The following STAB2 variants were observed in gnomAD, a reference collection of about 807,000 sequenced individuals.
STAB2 encodes stabilin 2.
In STAB2, 288 loss-of-function variants were observed where a neutral mutation model predicts 338.1. The observed-to-expected ratio is 0.85, with a 90% confidence interval of 0.77 to 0.94. The LOEUF is 0.94. STAB2 is among the 40% of genes least tolerant of loss of function. The pLI is 0.00. For missense variants in STAB2, 3,141 were observed against 3,210.1 expected (o/e 0.98, Z 0.52); for synonymous variants, 1,202 against 1,193.3 (o/e 1.01, Z -0.15).
intron 65 of STAB2, among the ~76,000 whole-genome samples, chr12:103,760,497 G>A (rs779507532): frequency 1.3e-5 from 2 of 152,218 alleles, no homozygotes; most frequent in Non-Finnish European, 2.9e-5. Flanking sequence ...CTGGCTTCAA[G>A]TGACATGCCT....
chr12:103,693,114 A>G (rs1878099859), intron 31 of STAB2, among the ~76,000 whole-genome samples: 1 of 152,190 alleles, frequency 6.6e-6, no homozygotes, highest in Admixed American at 6.5e-5. Context: ...GCCCTTTATC[A>G]AGTGTGGTCA....
intron 19 of STAB2, among the ~76,000 whole-genome samples, chr12:103,667,249 CCT>C (rs1051175712): frequency 2.0e-5 from 3 of 152,116 alleles, no homozygotes; most frequent in African/African-American, 7.2e-5. Flanking sequence ...AGGCATTACC[CCT>C]GAGTCCTTCA....
Position 103,766,172 on chromosome 12 carries a change from ACGTGTT to A in STAB2, c.7606-112_7606-107del, listed in dbSNP as rs766933135. ...GCACAAACAAACACGCCCAGCACAT[ACGTGTT>A]CACAGTGCTCAGGGAGAGTCATGCC... On this transcript the variant is annotated intron_variant, in intron 68 of 68. Transcript: ENST00000388887. 2.2e-6 allele frequency: 3 copies of A among 1,358,612 alleles called. No individual in the cohort carries two copies. The Admixed American group carries it at 5.2e-5, about 24-fold the overall frequency. 84.2% of individuals were successfully genotyped at this position (1,358,612 alleles called of 1,614,324 possible).
chr12:103,714,068 A>G (rs1252810575), intron 42 of STAB2, among the ~76,000 whole-genome samples: 1 of 152,260 alleles, frequency 6.6e-6, no homozygotes, highest in East Asian at 1.9e-4. Context: ...CTCACTGTAG[A>G]AAAAGAAAGC....
rs1256559418 is a variant in STAB2 at position 103,652,802 on chromosome 12, T to G, written c.1407+97T>G. On this transcript the variant is annotated intron_variant, in intron 12 of 68. Transcript: ENST00000388887. ...CTTTTTGTTTGGGGTTTGTGAAAAA[T>G]TACAAGGAAATTCTTTCCTCATGTA... The G allele has an allele frequency of 9.5e-6, 13 of 1,369,350 alleles. No homozygotes were observed. The Admixed American group carries it at 3.3e-4, about 35-fold the overall frequency. The allele number at this position is 1,369,350 out of a possible 1,614,324, so 84.8% of individuals were successfully genotyped here. A position where few individuals can be genotyped will look rare whatever the true frequency, so the allele number is the denominator to read the frequency against.
At position 103,655,463 on chromosome 12, in the gene STAB2, A is replaced by G. The variant is rs1476184188; in HGVS notation, c.1616A>G (p.Asn539Ser). Residue 539 changes from asparagine to serine, a missense_variant, in exon 15 of 69, where the codon AAT (asparagine) becomes AGT (serine). Coordinates refer to ENST00000388887, the MANE Select transcript of STAB2 (RefSeq NM_017564.10). The stretch of plus-strand genomic sequence containing the variant: ...TTCATTTCCCAAATGCAGGAAACCA[A>G]TTTGGGACATGCCTTAGATGAGGAT... ...SKFRSLLEETNLGHALDEDGV... is the reference protein window; with the variant it reads ...SKFRSLLEETSLGHALDEDGV... 5 of 1,613,858 alleles carry G rather than the reference A, an allele frequency of 3.1e-6. No individual in the cohort carries two copies. The Admixed American group carries it at 5.0e-5, about 16-fold the overall frequency.
At chr12:103,687,425 A>G (rs1336773770) in intron 27 of STAB2, among the ~76,000 whole-genome samples, 1 of 152,022 alleles carries the variant, frequency 6.6e-6, no homozygotes. Flanking sequence ...AAACAACTGT[A>G]AGTCATAGAG....
At chr12:103,761,881 TAGTA>T (rs1425735125) in intron 66 of STAB2, among the ~76,000 whole-genome samples, 2 of 152,174 alleles carry the variant, frequency 1.3e-5, no homozygotes, top group Non-Finnish European at 2.9e-5. Context: ...TGGTGGTTGT[TAGTA>T]TTCTTTTTTG....
At chr12:103,671,340 T>A (rs1027670810) in intron 22 of STAB2, among the ~76,000 whole-genome samples, 1 of 152,056 alleles carries the variant, frequency 6.6e-6, no homozygotes, top group Non-Finnish European at 1.5e-5. Flanking sequence ...TAATCCCAGC[T>A]ACTCTGGAGG....
intron 3 of STAB2, among the ~76,000 whole-genome samples, chr12:103,618,695 C>T (rs1957249437): frequency 6.6e-6 from 1 of 152,178 alleles, no homozygotes; most frequent in African/African-American, 2.4e-5. Context: ...TTGGCCAAGT[C>T]ACTTAACCAC....
chr12:103,686,855 T>A (rs1013023913), intron 27 of STAB2, among the ~76,000 whole-genome samples: 1 of 152,086 alleles, frequency 6.6e-6, no homozygotes, highest in Non-Finnish European at 1.5e-5. Flanking sequence ...CAGCTCCAGG[T>A]CTGCCATGTT....
chr12:103,702,423 C>G (rs943563626), intron 34 of STAB2, among the ~76,000 whole-genome samples: 1 of 152,048 alleles, frequency 6.6e-6, no homozygotes, highest in Non-Finnish European at 1.5e-5. Context: ...CTCAGCCTCC[C>G]GAGTAGCTGG....
intron 24 of STAB2, among the ~76,000 whole-genome samples, chr12:103,676,977 G>A (rs573054797): frequency 3.3e-5 from 5 of 152,170 alleles, no homozygotes; most frequent in Admixed American, 6.5e-5. Context: ...CCTCAGCTCC[G>A]TATCTTGTAT....
intron 21 of STAB2, among the ~76,000 whole-genome samples, chr12:103,670,099 T>C (rs74688983): frequency 6.6e-6 from 1 of 152,124 alleles, no homozygotes; most frequent in Non-Finnish European, 1.5e-5. Flanking sequence ...TACAGGGAAA[T>C]TATACATCTG....
At chr12:103,738,839 G>A (rs921201247) in intron 53 of STAB2, among the ~76,000 whole-genome samples, 24 of 152,188 alleles carry the variant, frequency 1.6e-4, no homozygotes, top group Non-Finnish European at 1.0e-4. Context: ...GCATATGCCT[G>A]TAAGACACTG....
chr12:103,749,069 CG>C lies in STAB2; in HGVS notation c.6354del (p.His2119ThrfsTer6). ...CSCQKGYKGDGHSCTEIDPCA... is the reference protein window; with the variant it reads ...CSCQKGYKGDXHSCTEIDPCA... ...GCTGCCAGAAGGGATACAAAGGGGA[CG>C]GGCACAGCTGCACAGAGATAGACCC... On this transcript the variant is annotated frameshift_variant, in exon 59 of 69. Transcript: ENST00000388887. LOFTEE classifies it high-confidence loss of function. 1 of 1,614,118 alleles carries C rather than the reference CG, an allele frequency of 6.2e-7. No homozygotes were observed. The highest frequency in any genetic ancestry group is 2.2e-5 in the East Asian group (1 of 44,872).
At chr12:103,716,887 G>A (rs977035713) in intron 43 of STAB2, among the ~76,000 whole-genome samples, 5 of 152,214 alleles carry the variant, frequency 3.3e-5, no homozygotes, top group African/African-American at 9.6e-5. Flanking sequence ...AGAACAAGAC[G>A]TTAGCTGAGG....
intron 9 of STAB2, among the ~76,000 whole-genome samples, chr12:103,644,653 G>A (rs1329296539): frequency 2.0e-5 from 3 of 152,138 alleles, no homozygotes; most frequent in Non-Finnish European, 4.4e-5. Flanking sequence ...ACTCATCTTT[G>A]CTGCAGCAAT....
At chr12:103,676,051 C>A in intron 24 of STAB2, 30 bp downstream of exon 24, 3 of 1,275,738 alleles carry the variant, frequency 2.4e-6, no homozygotes, top group Non-Finnish European at 3.2e-6. Context: ...TCCACCCTGC[C>A]TGGTTTCTTT....
Sources: allele counts gnomAD v4.1 joint callset (sites outside exome capture counted in the v4.1 genomes callset), GRCh38; gene constraint gnomAD v4.1.1; transcripts MANE v1.5; gene names NCBI Gene and HGNC (gene_info 2026-07-23, HGNC 2026-07-21).